PPP1R9A: variants seen among roughly 807,000 people sequenced by gnomAD.
The protein encoded by PPP1R9A is neurabin-1.
PPP1R9A carries 59 observed loss-of-function variants against 141.9 expected under a neutral mutation model. That is an observed-to-expected ratio of 0.42 (90% CI 0.34 to 0.52). PPP1R9A has a LOEUF of 0.52. PPP1R9A is among the 20% of genes least tolerant of loss of function. The pLI is 0.10. For missense variants in PPP1R9A, 1,444 were observed against 1,611.9 expected (o/e 0.90, Z 1.78); for synonymous variants, 500 against 569.7 (o/e 0.88, Z 1.74).
At position 95,111,291 on chromosome 7, in the gene PPP1R9A, C is replaced by T; in HGVS notation, c.1428C>T (p.Asp476=). ...VFNTYSNEDY[D]RRNDEVDPVA... ...ACACATACTCCAATGAAGACTATGACAGGAGAAATGACGAAGTTGACCCTG... is the reference window on the plus strand; with the variant it reads ...ACACATACTCCAATGAAGACTATGATAGGAGAAATGACGAAGTTGACCCTG... The change falls in exon 3 of 20, where the codon GAC becomes GAT. Residue 476 remains aspartate (D), a synonymous_variant. Coordinates refer to ENST00000433360, the MANE Select transcript of PPP1R9A (RefSeq NM_001166160.2). 1 of 1,612,230 alleles carries T rather than the reference C, an allele frequency of 6.2e-7. No homozygotes were observed. The highest frequency in any genetic ancestry group is 8.5e-7 in the Non-Finnish European group (1 of 1,179,032).
intron 8 of PPP1R9A, among the ~76,000 whole-genome samples, chr7:95,233,199 A>C (rs1796215573): frequency 6.6e-6 from 1 of 152,218 alleles, no homozygotes; most frequent in Non-Finnish European, 1.5e-5. Flanking sequence ...ATAAAAAAGG[A>C]TGACTTAATG....
At chr7:94,986,792 G>A (rs1800903028) in intron 2 of PPP1R9A, among the ~76,000 whole-genome samples, 1 of 152,226 alleles carries the variant, frequency 6.6e-6, no homozygotes, top group Non-Finnish European at 1.5e-5. Context: ...TTATGATTTT[G>A]ACTTTTGAAT....
intron 5 of PPP1R9A, among the ~76,000 whole-genome samples, chr7:95,186,787 A>G (rs948366318): frequency 4.0e-5 from 6 of 151,754 alleles, no homozygotes; most frequent in Non-Finnish European, 7.4e-5. Flanking sequence ...TTTGTTTTTA[A>G]TTCTGTTTAT....
At chr7:95,208,956 T>TAAAAAAAAAAAAAAAAAAAA (rs10670515) in intron 7 of PPP1R9A, among the ~76,000 whole-genome samples, 7 of 76,892 alleles carry the variant, frequency 9.1e-5, no homozygotes, top group South Asian at 5.2e-4. Context: ...ATAGCAAAAC[T>TAAAAAAAAAAAAAAAAAAAA]AAAAAAAAAA....
chr7:95,268,793 A>C, intron 13 of PPP1R9A, 86 bp downstream of exon 13: 3 of 1,495,952 alleles, frequency 2.0e-6, no homozygotes, highest in Non-Finnish European at 1.8e-6. Context: ...ATTTTTCTGC[A>C]AACAGAGTCT....
chr7:95,176,956 T>C (rs1585090858), intron 5 of PPP1R9A, among the ~76,000 whole-genome samples: 2 of 152,042 alleles, frequency 1.3e-5, no homozygotes, highest in East Asian at 3.9e-4. Flanking sequence ...GGGAAATAAT[T>C]GAGGAAAACT....
At chr7:94,964,431 A>C (rs1445230060) in intron 2 of PPP1R9A, among the ~76,000 whole-genome samples, 10 of 152,138 alleles carry the variant, frequency 6.6e-5, no homozygotes, top group Admixed American at 6.5e-4. Context: ...GGTTTGCTGC[A>C]CCCATCAACC....
At chr7:95,050,326 T>C (rs562313091) in intron 2 of PPP1R9A, among the ~76,000 whole-genome samples, 1 of 152,332 alleles carries the variant, frequency 6.6e-6, no homozygotes, top group South Asian at 2.1e-4. Flanking sequence ...TGTTTTGTTA[T>C]TGTTGGCTTT....
rs188854282 is a variant in PPP1R9A, at chr7:95,224,125, C to T, written c.1957-1836C>T. On this transcript the variant is annotated intron_variant, in intron 7 of 19. Transcript: ENST00000433360. ...CCATTCTTCAGCTACCTTCACCTGCCAGTGGCAAAGACACTTGAATTGGTA... is the reference window on the plus strand; with the variant it reads ...CCATTCTTCAGCTACCTTCACCTGCTAGTGGCAAAGACACTTGAATTGGTA... 3.0e-3 allele frequency among the ~76,000 whole-genome samples: 451 copies of T among 152,212 alleles called. 3 individuals are homozygous for T. Among genetic ancestry groups the T allele is most frequent in the Middle Eastern group, 0.01 (3 of 294 alleles).
chr7:95,284,237 A>C lies in PPP1R9A; in HGVS notation c.3516A>C (p.Thr1172=). The C allele has an allele frequency of 2.5e-6, 4 of 1,568,770 alleles. No individual in the cohort carries two copies. Among genetic ancestry groups the C allele is most frequent in the Non-Finnish European group, 8.7e-7 (1 of 1,151,978 alleles). The change falls in exon 17 of 20, where the codon ACA becomes ACC. Residue 1172 remains threonine, a synonymous_variant. Coordinates refer to ENST00000433360, the MANE Select transcript of PPP1R9A (RefSeq NM_001166160.2). ...CCAAGGTAGAAAACACATGGATTAC[A>C]AAAGCAAACAAGAGAAACCCAAATC... ...KGSKVENTWI[T]KANKRNPNPS...
chr7:95,198,433 G>C lies in PPP1R9A; in HGVS notation c.1839G>C (p.Gln613His). ...ISQTLEQERR[Q>H]RELLEQHYAQ... ...AGACACTGGAACAGGAGAGGCGCCA[G>C]AGAGAGCTGCTGGAACAGCACTATG... The change falls in exon 6 of 20, where the codon CAG becomes CAC. Residue 613 changes from glutamine to histidine, a missense_variant. This residue lies in a region of PPP1R9A where 488 missense variants were observed against 542.0 expected (regional missense o/e 0.90). Transcript: ENST00000433360. 1 of 1,613,360 alleles carries C rather than the reference G, an allele frequency of 6.2e-7. No individual in the cohort carries two copies. The highest frequency in any genetic ancestry group is 8.5e-7 in the Non-Finnish European group (1 of 1,179,688).
chr7:95,196,900 G>A (rs1836369153), intron 5 of PPP1R9A, among the ~76,000 whole-genome samples: 1 of 152,026 alleles, frequency 6.6e-6, no homozygotes, highest in Non-Finnish European at 1.5e-5. Flanking sequence ...ATTTTATTGT[G>A]TGTAAATTGT....
chr7:95,008,004 G>A (rs1166777930), intron 2 of PPP1R9A, among the ~76,000 whole-genome samples: 4 of 152,146 alleles, frequency 2.6e-5, no homozygotes, highest in Admixed American at 6.5e-5. Context: ...CCTGGGAGGT[G>A]GAGGTTGCAG....
At chr7:95,224,872 G>C (rs1402579886) in intron 7 of PPP1R9A, among the ~76,000 whole-genome samples, 2 of 152,088 alleles carry the variant, frequency 1.3e-5, no homozygotes, top group East Asian at 1.9e-4. Flanking sequence ...ATGAATTCCT[G>C]TCTCTGTTTT....
chr7:95,103,238 T>C (rs1819020950), intron 2 of PPP1R9A, among the ~76,000 whole-genome samples: 1 of 151,658 alleles, frequency 6.6e-6, no homozygotes, highest in African/African-American at 2.4e-5. Context: ...AAAAAACACA[T>C]ATAAAGATAT....
intron 8 of PPP1R9A, among the ~76,000 whole-genome samples, chr7:95,241,901 A>G (rs1287219942): frequency 6.6e-6 from 1 of 152,160 alleles, no homozygotes; most frequent in East Asian, 1.9e-4. Context: ...CAGGCCATCA[A>G]CTACATCCAG....
At chr7:95,257,536 T>C (rs949475761) in intron 12 of PPP1R9A, among the ~76,000 whole-genome samples, 1 of 152,130 alleles carries the variant, frequency 6.6e-6, no homozygotes, top group Non-Finnish European at 1.5e-5. Flanking sequence ...ATTATTATGC[T>C]TTAAGTTTTA....
chr7:95,195,549 G>A lies in PPP1R9A; in HGVS notation c.1755-2800G>A, dbSNP rs140030370. ...CACCTTGGCCTCCCGAAGTGCTGGGGTTACAGGCATGAGCCACCGTGTCCA... is the reference window on the plus strand; with the variant it reads ...CACCTTGGCCTCCCGAAGTGCTGGGATTACAGGCATGAGCCACCGTGTCCA... On this transcript the variant is annotated intron_variant, in intron 5 of 19. Transcript: ENST00000433360. Among the ~76,000 whole-genome samples, 1,401 of 151,276 alleles carry A rather than the reference G, an allele frequency of 9.3e-3. 20 individuals are homozygous for A. The highest frequency in any genetic ancestry group is 0.031 in the African/African-American group (1,293 of 41,198).
intron 2 of PPP1R9A, among the ~76,000 whole-genome samples, chr7:94,942,315 G>A (rs2150955701): frequency 6.6e-6 from 1 of 152,230 alleles, no homozygotes; most frequent in South Asian, 2.1e-4. Flanking sequence ...ACTTGGGTGG[G>A]AGAATAAATA....
Sources: gnomAD v4.1 joint callset for allele counts (sites outside exome capture counted in the v4.1 genomes callset) on GRCh38, gnomAD v4.1.1 for gene constraint, gnomAD v4.1.1 regional missense constraint, MANE v1.5 for transcripts, NCBI Gene and HGNC (gene_info 2026-07-23, HGNC 2026-07-21) for gene names.